The following RGS7 variants were observed in gnomAD, a reference collection of about 807,000 sequenced individuals.
RGS7 encodes the protein regulator of G-protein signaling 7.
In RGS7, 27 loss-of-function variants were observed where a neutral mutation model predicts 81.1. The ratio of observed to expected loss-of-function variants is 0.33; its 90% CI spans 0.25 to 0.46. The LOEUF (loss-of-function observed/expected upper bound fraction) is 0.46, where lower values mean the gene tolerates loss of function less well. RGS7 is among the 20% of genes least tolerant of loss of function. The probability of loss-of-function intolerance (pLI) is 1.00; values close to 1 mark genes in which losing one functional copy is unlikely to be tolerated. For synonymous variants in RGS7, 208 were observed against 207.7 expected (o/e 1.00, Z -0.01); for missense variants, 396 against 607.4 (o/e 0.65, Z 3.66).
chr1:240,831,180 T>A (rs1294545785), intron 9 of RGS7, among the ~76,000 whole-genome samples: 1 of 152,120 alleles, frequency 6.6e-6, no homozygotes, highest in Admixed American at 6.6e-5. Flanking sequence ...GGGATGCTTG[T>A]CTCGGAGGCC....
At chr1:240,875,700 A>C (rs1180327239) in intron 6 of RGS7, among the ~76,000 whole-genome samples, 2 of 152,166 alleles carry the variant, frequency 1.3e-5, no homozygotes, top group Non-Finnish European at 2.9e-5. Flanking sequence ...AACGCTTGTT[A>C]CCTTTCATCT....
intron 4 of RGS7, among the ~76,000 whole-genome samples, chr1:240,957,860 T>TA (rs1366533929): frequency 4.6e-5 from 7 of 152,190 alleles, no homozygotes; most frequent in African/African-American, 7.2e-5. Flanking sequence ...AAATTACAAT[T>TA]AAAAAATCAC....
chr1:241,006,581 T>A (rs2058696338), intron 3 of RGS7, among the ~76,000 whole-genome samples: 1 of 152,174 alleles, frequency 6.6e-6, no homozygotes, highest in Non-Finnish European at 1.5e-5. Context: ...AAACAACAGA[T>A]CCTGATTTAG....
At chr1:240,846,711 A>G (rs1460618377) in intron 9 of RGS7, among the ~76,000 whole-genome samples, 1 of 152,310 alleles carries the variant, frequency 6.6e-6, no homozygotes, top group South Asian at 2.1e-4. Flanking sequence ...TGTAACCAAT[A>G]AACTATGACA....
At chr1:241,266,470 T>C (rs2077599154) in intron 2 of RGS7, among the ~76,000 whole-genome samples, 1 of 152,206 alleles carries the variant, frequency 6.6e-6, no homozygotes, top group Admixed American at 6.5e-5. Flanking sequence ...GAAAGTGGCT[T>C]TTATCAGGAT....
At chr1:241,306,721 TCA>T (rs893243704) in intron 2 of RGS7, among the ~76,000 whole-genome samples, 57 of 149,018 alleles carry the variant, frequency 3.8e-4, no homozygotes, top group Admixed American at 9.3e-4. Context: ...ACACATACCC[TCA>T]CACACTTATG....
At chr1:241,263,907 GTCACAGA>G (rs1188967309) in intron 2 of RGS7, among the ~76,000 whole-genome samples, 2 of 152,182 alleles carry the variant, frequency 1.3e-5, no homozygotes, top group Non-Finnish European at 1.5e-5. Flanking sequence ...CTACTCAGAA[GTCACAGA>G]ACTTCATGCC....
At chr1:241,172,525 A>T (rs1261651464) in intron 2 of RGS7, among the ~76,000 whole-genome samples, 2 of 152,166 alleles carry the variant, frequency 1.3e-5, no homozygotes, top group African/African-American at 4.8e-5. Flanking sequence ...CTAAACCAAG[A>T]TACCATTCAT....
At position 240,775,736 on chromosome 1, in the gene RGS7, C is replaced by T. The variant is rs765719469; in HGVS notation, c.*484G>A. 124 of 171,208 alleles carry T rather than the reference C, an allele frequency of 7.2e-4. No individual in the cohort carries two copies. Among genetic ancestry groups the T allele is most frequent in the African/African-American group, 2.9e-3 (120 of 42,072 alleles). The allele number at this position is 171,208 out of a possible 1,614,324, so 10.6% of individuals were successfully genotyped here. ...CATTGGTGAAATGAAACTTTCTGTG[C>T]GGAATTTATTGTTTAATAAATGTGA... is the stretch of plus-strand genomic sequence containing the variant. On this transcript the variant is annotated 3_prime_UTR_variant, in exon 19 of 19. Coordinates refer to ENST00000440928, the MANE Select transcript of RGS7 (RefSeq NM_001364886.1).
At position 241,191,303 on chromosome 1, in the gene RGS7, A is replaced by AT. The variant is rs573102829; in HGVS notation, c.79-92542dup. 3.9e-3 allele frequency among the ~76,000 whole-genome samples: 590 copies of AT among 152,038 alleles called. 5 individuals carry two copies. Among genetic ancestry groups the AT allele is most frequent in the African/African-American group, 0.013 (527 of 41,478 alleles). ...CTCCACTATTGTTATTTTTATGAGA[A>AT]TTTTTTTATCATAAATGAGTATTTA... is the stretch of plus-strand genomic sequence containing the variant. On this transcript the variant is annotated intron_variant, in intron 2 of 18. Transcript: ENST00000440928.
chr1:241,188,903 C>T lies in RGS7; in HGVS notation c.79-90141G>A, dbSNP rs1339436315. 2.0e-5 allele frequency among the ~76,000 whole-genome samples: 3 copies of T among 152,200 alleles called. No homozygotes were observed. The East Asian group carries it at 5.8e-4, about 29-fold the overall frequency. ...TTGAAGGCTTCGAAATTCAGCAGAA[C>T]TTCAAACTATCAACCAAACAATATA... On this transcript the variant is annotated intron_variant, in intron 2 of 18. Coordinates refer to ENST00000440928, the MANE Select transcript of RGS7 (RefSeq NM_001364886.1).
chr1:240,989,901 G>A (rs990121130), intron 3 of RGS7, among the ~76,000 whole-genome samples: 2 of 152,156 alleles, frequency 1.3e-5, no homozygotes, highest in Non-Finnish European at 2.9e-5. Context: ...GACTCATGGA[G>A]GCAGAGACTG....
rs1431691099 is a variant in RGS7, at chr1:240,836,177, T to C, written c.610-9005A>G. ...GGGGGGTTGATAATGGGGGCGGCTGTGGGCCGGGGAGAGGTTGCTGGGGAA... is the reference window on the plus strand; with the variant it reads ...GGGGGGTTGATAATGGGGGCGGCTGCGGGCCGGGGAGAGGTTGCTGGGGAA... On this transcript the variant is annotated intron_variant, in intron 9 of 18. Transcript: ENST00000440928. Among the ~76,000 whole-genome samples, 69 of 147,296 alleles carry C rather than the reference T, an allele frequency of 4.7e-4. No homozygotes were observed. In the Admixed American group the frequency reaches 4.7e-3, roughly 10 times the overall value.
chr1:241,039,690 G>C (rs1025361789), intron 3 of RGS7, among the ~76,000 whole-genome samples: 2 of 152,060 alleles, frequency 1.3e-5, no homozygotes, highest in Non-Finnish European at 2.9e-5. Flanking sequence ...CTGCTTTCTA[G>C]GCCTGGATAG....
At chr1:241,328,219 G>T (rs2081735929) in intron 2 of RGS7, among the ~76,000 whole-genome samples, 1 of 152,170 alleles carries the variant, frequency 6.6e-6, no homozygotes. Flanking sequence ...TTGATATGTG[G>T]TAAGGGATTG....
chr1:241,351,131 A>T (rs934128306), intron 2 of RGS7, among the ~76,000 whole-genome samples: 11 of 152,218 alleles, frequency 7.2e-5, no homozygotes. Flanking sequence ...AGAATGGAGC[A>T]GTCACGGCTG....
chr1:240,823,115 T>A, intron 10 of RGS7: 1 of 1,105,280 alleles, frequency 9.0e-7, no homozygotes, highest in Non-Finnish European at 1.4e-6. Flanking sequence ...TCAAAGTTCT[T>A]TTCTGGTCTG....
At chr1:241,292,853 A>G (rs568311593) in intron 2 of RGS7, among the ~76,000 whole-genome samples, 13 of 152,362 alleles carry the variant, frequency 8.5e-5, no homozygotes, top group Middle Eastern at 3.4e-3. Context: ...AATGTAGAGG[A>G]AAAGTATAGC....
chr1:240,875,266 C>T (rs896899173), intron 6 of RGS7, among the ~76,000 whole-genome samples: 21 of 152,104 alleles, frequency 1.4e-4, no homozygotes, highest in African/African-American at 4.8e-4. Flanking sequence ...AGATTCCACA[C>T]GAGTGACATC....
Sources: gnomAD v4.1 joint callset for allele counts (sites outside exome capture counted in the v4.1 genomes callset) on GRCh38, gnomAD v4.1.1 for gene constraint, MANE v1.5 for transcripts, NCBI Gene and HGNC (gene_info 2026-07-23, HGNC 2026-07-21) for gene names.